Variants in HYOU1 observed in about 807,000 individuals in gnomAD.
HYOU1 encodes hypoxia up-regulated protein 1.
Under a neutral mutation model 120.5 loss-of-function variants are expected in HYOU1, and 40 were observed. The observed-to-expected ratio is 0.33, with a 90% CI of 0.26 to 0.43. The LOEUF is 0.43. Among genes scored for constraint, HYOU1 ranks in the 20% least tolerant of loss-of-function variants. The pLI is 1.00. For synonymous variants in HYOU1, 501 were observed against 479.4 expected, an observed-to-expected ratio of 1.05 and a Z score of -0.59; for missense variants, 1,085 against 1,278.3, an observed-to-expected ratio of 0.85 and a Z score of 2.31.
Position 119,051,041 on chromosome 11 carries a change from T to C in HYOU1, c.1659A>G (p.Leu553=). ...FNLDESGVLS[L]DRVESVFETL... is the part of the protein sequence containing the mutation. ...GGTATCCTTTAGCTCTCACCCTGTC[T>C]AGACTGAGCACGCCACTCTCATCCA... Residue 553 remains leucine, a synonymous_variant, in exon 14 of 26, where the codon CTA becomes CTG. Transcript: ENST00000617285. The surrounding 1 kb of genome is among the most constrained non-coding windows in gnomAD (Gnocchi z 4.2). The C allele has an allele frequency of 1.2e-6, 2 of 1,614,240 alleles. No homozygotes were observed. Among genetic ancestry groups the C allele is most frequent in the Non-Finnish European group, 1.7e-6 (2 of 1,180,038 alleles).
Position 119,052,183 on chromosome 11 carries a change from T to G in HYOU1, c.1123-11A>C, listed in dbSNP as rs2133590970. On this transcript the variant is annotated splice_polypyrimidine_tract_variant and intron_variant, in intron 10 of 25. Transcript: ENST00000617285. This position sits in a 1 kb window ranked among gnomAD's most constrained non-coding sequence, Gnocchi z 5.0. ...CTGCTCAATCTCATCCTGCAGTGGG[T>G]AAGAATGACAGGTGCAACAGCATGC... The G allele has an allele frequency of 6.2e-7, 1 of 1,614,010 alleles. No individual in the cohort carries two copies. The highest frequency in any genetic ancestry group is 1.3e-5 in the African/African-American group (1 of 74,920).
intron 22 of HYOU1, 46 bp from the exon 23 acceptor site, chr11:119,046,848 C>A: frequency 6.3e-7 from 1 of 1,585,412 alleles, no homozygotes; most frequent in Non-Finnish European, 8.5e-7. Flanking sequence ...ATGGAGAGAG[C>A]AGACATCTCT....
chr11:119,046,427 T>C lies in HYOU1; in HGVS notation c.2877A>G (p.Lys959=), dbSNP rs2133549857. 10 of 1,614,148 alleles carry C rather than the reference T, an allele frequency of 6.2e-6. No homozygotes were observed. In the South Asian group the frequency reaches 1.1e-4, roughly 18 times the overall value. Reference sequence around the variant, plus strand: ...GTTGCTCCAACTCACCAGTCTCTACTTTCTCAGGTTCTGAAATGGGCTCTG... The same window carrying C: ...GTTGCTCCAACTCACCAGTCTCTACCTTCTCAGGTTCTGAAATGGGCTCTG... ...EDAEPISEPE[K]VETGSEPGDT... The change falls in exon 24 of 26, where the codon AAA becomes AAG. Residue 959 remains lysine (K), a synonymous_variant. Coordinates refer to ENST00000617285, the MANE Select transcript of HYOU1 (RefSeq NM_006389.5).
At chr11:119,053,830 A>C (rs2133601370) in intron 8 of HYOU1, 4 of 289,464 alleles carry the variant, frequency 1.4e-5, no homozygotes, top group Non-Finnish European at 2.6e-5. Context: ...TGGAAATGAC[A>C]AGAGAACAAA....
chr11:119,052,288 C>G lies in HYOU1; in HGVS notation c.1122+7G>C. 2 of 1,614,234 alleles carry G rather than the reference C, an allele frequency of 1.2e-6. No homozygotes were observed. The highest frequency in any genetic ancestry group is 1.7e-6 in the Non-Finnish European group (2 of 1,180,038). On this transcript the variant is annotated splice_region_variant and intron_variant, in intron 10 of 25. Coordinates refer to ENST00000617285, the MANE Select transcript of HYOU1 (RefSeq NM_006389.5). The surrounding 1 kb of genome is among the most constrained non-coding windows in gnomAD (Gnocchi z 5.0). Reference sequence around the variant, plus strand: ...CGGGGCATTCCCGCCTTCCCCTACTCGCTCACCAGACTCATTTCGGCACTC... The same window carrying G: ...CGGGGCATTCCCGCCTTCCCCTACTGGCTCACCAGACTCATTTCGGCACTC...
chr11:119,049,467 G>T, intron 16 of HYOU1, 89 bp downstream of exon 16: 1 of 1,557,128 alleles, frequency 6.4e-7, no homozygotes. Flanking sequence ...ACAGGGGCAG[G>T]GGTGGCCTAC....
At position 119,051,314 on chromosome 11, in the gene HYOU1, C is replaced by G; in HGVS notation, c.1526+124G>C. ...AGGACGGATGCATTCTCCAGCGAAGCTGATCATAGCTGCCCTGTTTCAGCC... is the reference window on the plus strand; with the variant it reads ...AGGACGGATGCATTCTCCAGCGAAGGTGATCATAGCTGCCCTGTTTCAGCC... On this transcript the variant is annotated intron_variant, in intron 13 of 25. Transcript: ENST00000617285. This position sits in a 1 kb window ranked among gnomAD's most constrained non-coding sequence, Gnocchi z 4.2. The G allele has an allele frequency of 1.4e-6, 2 of 1,476,388 alleles. No individual in the cohort carries two copies. Among genetic ancestry groups the G allele is most frequent in the Non-Finnish European group, 9.3e-7 (1 of 1,076,010 alleles). The allele number at this position is 1,476,388 out of a possible 1,614,324, so 91.5% of individuals were successfully genotyped here.
rs1944827433 is a variant in HYOU1 at position 119,057,070 on chromosome 11, C to G, written c.-58G>C. 1 of 152,320 alleles carries G rather than the reference C, an allele frequency of 6.6e-6. No homozygotes were observed. The highest frequency in any genetic ancestry group is 6.5e-5 in the Admixed American group (1 of 15,286). The allele number at this position is 152,320 out of a possible 1,614,324, so 9.4% of individuals were successfully genotyped here. A position where few individuals can be genotyped will look rare whatever the true frequency, so the allele number is the denominator to read the frequency against. On this transcript the variant is annotated 5_prime_UTR_variant, in exon 1 of 26. Coordinates refer to ENST00000617285, the MANE Select transcript of HYOU1 (RefSeq NM_006389.5). ...AGCTCTGGGACAGACGCGGCACGAA[C>G]GTACCCACGAGGCCGGCAGCGCCCC...
chr11:119,049,723 C>G lies in HYOU1; in HGVS notation c.1726+54G>C, dbSNP rs369398150. 3.1e-6 allele frequency: 5 copies of G among 1,608,504 alleles called. No homozygotes were observed. In the African/African-American group the frequency reaches 6.7e-5, roughly 21 times the overall value. On this transcript the variant is annotated intron_variant, in intron 15 of 25. Coordinates refer to ENST00000617285, the MANE Select transcript of HYOU1 (RefSeq NM_006389.5). Reference sequence around the variant, plus strand: ...CAAGGGCCATGCCCTGTCCACCTCCCCAACCTTCACACAAGTATATTCTCT... The same window carrying G: ...CAAGGGCCATGCCCTGTCCACCTCCGCAACCTTCACACAAGTATATTCTCT...
rs1270274832 is a variant in HYOU1, at chr11:119,052,889, C to T, written c.795-60G>A. 2.7e-6 allele frequency: 4 copies of T among 1,473,804 alleles called. No individual in the cohort carries two copies. 91.3% of individuals were successfully genotyped at this position (1,473,804 alleles called of 1,614,324 possible). ...AACACATGGAGTCCCCGCATCTGCA[C>T]AGGAGCCTCTCATCCCCACATGGCA... On this transcript the variant is annotated intron_variant, in intron 8 of 25. Transcript: ENST00000617285. This position sits in a 1 kb window ranked among gnomAD's most constrained non-coding sequence, Gnocchi z 5.0.
At chr11:119,054,784 G>A (rs2133607997) in intron 6 of HYOU1, 109 bp from the exon 7 acceptor site, 193 of 1,226,358 alleles carry the variant, frequency 1.6e-4, no homozygotes, top group Middle Eastern at 9.2e-4. Flanking sequence ...TTGTGGGGCT[G>A]TCCTGTGCAC....
Position 119,045,281 on chromosome 11 carries a change from C to A in HYOU1, c.*312G>T, listed in dbSNP as rs984248969. On this transcript the variant is annotated 3_prime_UTR_variant, in exon 26 of 26. Coordinates refer to ENST00000617285, the MANE Select transcript of HYOU1 (RefSeq NM_006389.5). ...CCGGGACCCATCAGCCACTGGCAGC[C>A]ATTCTCTTCCTACCCACAGGCAAAG... The A allele has an allele frequency of 3.7e-5, 20 of 533,744 alleles. No homozygotes were observed. Among genetic ancestry groups the A allele is most frequent in the Non-Finnish European group, 7.2e-5 (20 of 277,176 alleles). The allele number at this position is 533,744 out of a possible 1,614,324, so 33.1% of individuals were successfully genotyped here.
At chr11:119,054,777 TG>T in intron 6 of HYOU1, 102 bp from the exon 7 acceptor site, 1 of 1,287,534 alleles carries the variant, frequency 7.8e-7, no homozygotes, top group Non-Finnish European at 1.1e-6. Context: ...TTCTGTGTTG[TG>T]GGGCTGTCCT....
chr11:119,048,833 C>T lies in HYOU1; in HGVS notation c.2046G>A (p.Glu682=), dbSNP rs2133567652. The change falls in exon 18 of 26, where the codon GAG becomes GAA. Residue 682 remains glutamate (E), a synonymous_variant. Transcript: ENST00000617285. This position sits in a 1 kb window ranked among gnomAD's most constrained non-coding sequence, Gnocchi z 4.7. ...AGPEGVAPAP[E]GEKKQKPARK... ...TGGCGGGCTTCTGCTTCTTCTCTCCCTCTGGGGCTGGAGCGACGCCCTCAG... is the reference window on the plus strand; with the variant it reads ...TGGCGGGCTTCTGCTTCTTCTCTCCTTCTGGGGCTGGAGCGACGCCCTCAG... 9.3e-6 allele frequency: 15 copies of T among 1,613,960 alleles called. 1 individual carries two copies. The Admixed American group carries it at 2.2e-4, about 23-fold the overall frequency.
In HYOU1 at chr11:119,052,796, C is replaced by T; in HGVS notation, c.828G>A (p.Glu276=). The T allele has an allele frequency of 6.2e-7, 1 of 1,614,088 alleles. No homozygotes were observed. The highest frequency in any genetic ancestry group is 8.5e-7 in the Non-Finnish European group (1 of 1,179,988). The change falls in exon 9 of 26, where the codon GAG becomes GAA. Residue 276 remains glutamate, a synonymous_variant. Coordinates refer to ENST00000617285, the MANE Select transcript of HYOU1 (RefSeq NM_006389.5). This position sits in a 1 kb window ranked among gnomAD's most constrained non-coding sequence, Gnocchi z 5.0. ...CAGCCAGGCGTTCTCGAAGCCGGAGCTCCATCTCCAGGCCCCCCAGGGTAC... is the reference window on the plus strand; with the variant it reads ...CAGCCAGGCGTTCTCGAAGCCGGAGTTCCATCTCCAGGCCCCCCAGGGTAC... ...FDRTLGGLEM[E]LRLRERLAGL...
At position 119,048,673 on chromosome 11, in the gene HYOU1, G is replaced by A; in HGVS notation, c.2165+41C>T. 6.2e-7 allele frequency: 1 copy of A among 1,605,226 alleles called. No individual in the cohort carries two copies. The highest frequency in any genetic ancestry group is 1.1e-5 in the South Asian group (1 of 89,730). ...CGCCATCCCACATCCTGCCCACCTT[G>A]CACACACATGTACACACACACACCA... On this transcript the variant is annotated intron_variant, in intron 18 of 25. Transcript: ENST00000617285. This position sits in a 1 kb window ranked among gnomAD's most constrained non-coding sequence, Gnocchi z 4.7.
At chr11:119,049,256 C>G in intron 16 of HYOU1, 53 bp from the exon 17 acceptor site, 1 of 1,590,604 alleles carries the variant, frequency 6.3e-7, no homozygotes, top group Non-Finnish European at 8.5e-7. Context: ...AGCCTCCAGG[C>G]AGGCCTGGCT....
chr11:119,051,702 G>T lies in HYOU1; in HGVS notation c.1339-77C>A. 1 of 1,594,262 alleles carries T rather than the reference G, an allele frequency of 6.3e-7. No homozygotes were observed. The highest frequency in any genetic ancestry group is 8.6e-7 in the Non-Finnish European group (1 of 1,164,940). ...AGGTTCTGGGGTAAGGATGGGGGTG[G>T]GATGGGGGAGACCTCTTAGCAGAAA... is the stretch of plus-strand genomic sequence containing the variant. On this transcript the variant is annotated intron_variant, in intron 12 of 25. Coordinates refer to ENST00000617285, the MANE Select transcript of HYOU1 (RefSeq NM_006389.5). The surrounding 1 kb of genome is among the most constrained non-coding windows in gnomAD (Gnocchi z 4.2).
chr11:119,051,938 T>G lies in HYOU1; in HGVS notation c.1219A>C (p.Lys407Gln). 1 of 1,614,098 alleles carries G rather than the reference T, an allele frequency of 6.2e-7. No homozygotes were observed. The highest frequency in any genetic ancestry group is 8.5e-7 in the Non-Finnish European group (1 of 1,179,996). The change falls in exon 12 of 26, where the codon AAG becomes CAG. Residue 407 changes from lysine (K) to glutamine (Q), a missense_variant. By Grantham distance (53) the Lys-to-Gln change is moderately conservative (BLOSUM62 1). Around this residue, in one of 4 missense-constraint regions of HYOU1, gnomAD observed 515 missense variants for 677.8 expected, o/e 0.76. Coordinates refer to ENST00000617285, the MANE Select transcript of HYOU1 (RefSeq NM_006389.5). The surrounding 1 kb of genome is among the most constrained non-coding windows in gnomAD (Gnocchi z 4.2). The stretch of plus-strand genomic sequence containing the variant: ...GCTGCTTCATCTGCATTGATGTTCT[T>G]CCCCAGCTCCTCCCTGGGAAAGCCC... ...LKAVGKEELGKNINADEAAAM... is the reference protein window; with the variant it reads ...LKAVGKEELGQNINADEAAAM...
Sources: allele counts gnomAD v4.1 joint callset, GRCh38; gene constraint gnomAD v4.1.1; regional missense constraint gnomAD v4.1.1; non-coding constraint Gnocchi (gnomAD v3.1); transcripts MANE v1.5; gene names NCBI Gene and HGNC (gene_info 2026-07-23, HGNC 2026-07-21).